CLSTN2: variants seen among roughly 807,000 people sequenced by gnomAD.
CLSTN2 encodes the protein calsyntenin-2.
Under a neutral mutation model 101.2 loss-of-function variants are expected in CLSTN2, and 48 were observed. The observed-to-expected ratio is 0.47, with a 90% confidence interval of 0.38 to 0.60. The LOEUF is 0.60. Among genes scored for constraint, CLSTN2 ranks in the 20% least tolerant of loss-of-function variants. CLSTN2 has a pLI of 0.00. For synonymous variants in CLSTN2, 481 were observed against 463.6 expected (o/e 1.04, Z -0.48); for missense variants, 1,160 against 1,238.2 (o/e 0.94, Z 0.95).
chr3:140,031,402 G>T (rs1191047875), intron 1 of CLSTN2, among the ~76,000 whole-genome samples: 1 of 152,216 alleles, frequency 6.6e-6, no homozygotes. Flanking sequence ...GCTTGGAAGT[G>T]TCCCAGGGAG....
chr3:139,937,523 G>A (rs1487088557), intron 1 of CLSTN2, among the ~76,000 whole-genome samples: 1 of 150,780 alleles, frequency 6.6e-6, no homozygotes, highest in Non-Finnish European at 1.5e-5. Flanking sequence ...GATCACCTGA[G>A]GTTAGGGGTT....
At chr3:140,267,118 G>A (rs2086699761) in intron 2 of CLSTN2, among the ~76,000 whole-genome samples, 1 of 152,162 alleles carries the variant, frequency 6.6e-6, no homozygotes, top group South Asian at 2.1e-4. Flanking sequence ...AATGGACCAT[G>A]TTCCTCCCAG....
chr3:139,957,340 T>A (rs1935425829), intron 1 of CLSTN2, among the ~76,000 whole-genome samples: 1 of 152,134 alleles, frequency 6.6e-6, no homozygotes, highest in Non-Finnish European at 1.5e-5. Context: ...ACAGCCTACA[T>A]CCAGATCCCA....
rs1985405126 is a variant in CLSTN2, at chr3:140,568,728, T to C, written c.*2475T>C. On this transcript the variant is annotated 3_prime_UTR_variant, in exon 17 of 17. Transcript: ENST00000458420. The stretch of plus-strand genomic sequence containing the variant: ...GAACACTTTTCTCTTTGCTCAGTCT[T>C]TTCGATCTGGTTGGGTAGGGAAGGT... The C allele has an allele frequency of 6.6e-6, 1 of 152,186 alleles. No homozygotes were observed. The highest frequency in any genetic ancestry group is 1.5e-5 in the Non-Finnish European group (1 of 68,038). The allele number at this position is 152,186 out of a possible 1,614,324, so 9.4% of individuals were successfully genotyped here. A position where few individuals can be genotyped will look rare whatever the true frequency, so the allele number is the denominator to read the frequency against.
Position 140,085,951 on chromosome 3 carries a change from C to T in CLSTN2, c.110-90000C>T, listed in dbSNP as rs187014534. ...AAAGTACAGATCACTTGGGGCAACTCCTGGAGACTCCCTTCAGATGCACAT... is the reference window on the plus strand; with the variant it reads ...AAAGTACAGATCACTTGGGGCAACTTCTGGAGACTCCCTTCAGATGCACAT... On this transcript the variant is annotated intron_variant, in intron 1 of 16. Transcript: ENST00000458420. Among the ~76,000 whole-genome samples the T allele has an allele frequency of 6.6e-5, 10 of 152,270 alleles. No homozygotes were observed. The East Asian group carries it at 1.9e-3, about 29-fold the overall frequency.
At chr3:139,993,524 C>T (rs553161220) in intron 1 of CLSTN2, among the ~76,000 whole-genome samples, 1 of 152,252 alleles carries the variant, frequency 6.6e-6, no homozygotes, top group East Asian at 1.9e-4. Flanking sequence ...AAATGGATAT[C>T]AGAGCCTCAC....
intron 1 of CLSTN2, among the ~76,000 whole-genome samples, chr3:140,175,284 G>T (rs1576455895): frequency 6.6e-6 from 1 of 151,762 alleles, no homozygotes; most frequent in Non-Finnish European, 1.5e-5. Flanking sequence ...TTGTTCATTG[G>T]TTAATATTTA....
chr3:140,300,407 T>A (rs1255934700), intron 2 of CLSTN2, among the ~76,000 whole-genome samples: 1 of 152,182 alleles, frequency 6.6e-6, no homozygotes, highest in East Asian at 1.9e-4. Context: ...TACTAAATTC[T>A]TTTTGGGTGC....
chr3:140,031,965 G>A (rs986318786), intron 1 of CLSTN2, among the ~76,000 whole-genome samples: 3 of 152,146 alleles, frequency 2.0e-5, no homozygotes, highest in African/African-American at 7.2e-5. Context: ...TTAGACTCCA[G>A]GGTTTCCAAA....
At position 140,459,582 on chromosome 3, in the gene CLSTN2, A is replaced by T. The variant is rs1358924324; in HGVS notation, c.1035A>T (p.Ala345=). ...PSPSAATNWT[A]GLLVDSSEMI... ...CTAGCGCTGCCACCAACTGGACTGC[A>T]GGACTGCTGGTGGACAGCAGTGAGA... Residue 345 remains alanine (A), a synonymous_variant, in exon 7 of 17, where the codon GCA becomes GCT. Transcript: ENST00000458420. 1 of 1,613,990 alleles carries T rather than the reference A, an allele frequency of 6.2e-7. No homozygotes were observed. The highest frequency in any genetic ancestry group is 8.5e-7 in the Non-Finnish European group (1 of 1,179,968).
chr3:140,216,178 C>G (rs113881373), intron 2 of CLSTN2, among the ~76,000 whole-genome samples: 3,646 of 152,308 alleles, frequency 0.024, 133 homozygotes, highest in African/African-American at 0.081. Flanking sequence ...GCCTGATGAT[C>G]TGAGGTGGAA....
chr3:140,419,188 T>C (rs67701000), intron 4 of CLSTN2, among the ~76,000 whole-genome samples: 45,019 of 151,064 alleles, frequency 0.3, 9,961 homozygotes, highest in African/African-American at 0.63. Context: ...AATATAAAAA[T>C]ATACCTGAGT....
At chr3:140,223,912 C>T (rs1037897402) in intron 2 of CLSTN2, among the ~76,000 whole-genome samples, 11 of 152,076 alleles carry the variant, frequency 7.2e-5, no homozygotes, top group Non-Finnish European at 1.3e-4. Context: ...CTTGGTGATG[C>T]TGCAGTTCCC....
At chr3:140,430,026 G>A (rs1436483813) in intron 5 of CLSTN2, among the ~76,000 whole-genome samples, 1 of 152,158 alleles carries the variant, frequency 6.6e-6, no homozygotes, top group Non-Finnish European at 1.5e-5. Context: ...AGTCAGATGG[G>A]TTATTAAATA....
intron 1 of CLSTN2, among the ~76,000 whole-genome samples, chr3:140,123,523 G>A (rs965017618): frequency 5.3e-5 from 8 of 152,136 alleles, no homozygotes; most frequent in Non-Finnish European, 1.2e-4. Context: ...GGATACCTCA[G>A]AGGTCAAAGT....
intron 2 of CLSTN2, among the ~76,000 whole-genome samples, chr3:140,297,551 A>T (rs2107907472): frequency 6.6e-6 from 1 of 152,296 alleles, no homozygotes; most frequent in East Asian, 1.9e-4. Context: ...TGGGCTTTGT[A>T]GGCCAAGAGG....
chr3:140,297,125 T>A (rs773679756), intron 2 of CLSTN2, among the ~76,000 whole-genome samples: 19 of 152,252 alleles, frequency 1.2e-4, no homozygotes, highest in Admixed American at 2.6e-4. Context: ...TGGCTACTTT[T>A]TTTGACTAAG....
intron 1 of CLSTN2, among the ~76,000 whole-genome samples, chr3:139,939,354 A>G (rs574343792): frequency 6.6e-6 from 1 of 152,312 alleles, no homozygotes; most frequent in East Asian, 1.9e-4. Context: ...GGGTAAATGA[A>G]CTTGCCAAGA....
At chr3:140,132,940 A>G (rs2009544301) in intron 1 of CLSTN2, among the ~76,000 whole-genome samples, 1 of 152,226 alleles carries the variant, frequency 6.6e-6, no homozygotes, top group African/African-American at 2.4e-5. Flanking sequence ...TTAAATGGAG[A>G]TGGGGATATG....
Sources: allele counts gnomAD v4.1 joint callset (sites outside exome capture counted in the v4.1 genomes callset), GRCh38; gene constraint gnomAD v4.1.1; transcripts MANE v1.5; gene names NCBI Gene and HGNC (gene_info 2026-07-23, HGNC 2026-07-21).